VRK1: variants seen among roughly 807,000 people sequenced by gnomAD.
VRK1 encodes VRK serine/threonine kinase 1, also known as serine/threonine-protein kinase VRK1.
A neutral mutation model predicts 57.1 loss-of-function variants in VRK1; 33 were observed. The observed-to-expected ratio is 0.58, with a 90% CI of 0.44 to 0.77. The LOEUF (loss-of-function observed/expected upper bound fraction) is 0.77. Among genes scored for constraint, VRK1 ranks in the 30% least tolerant of loss-of-function variants. VRK1 has a pLI of 0.00. For missense variants in VRK1, 413 were observed against 477.3 expected, an observed-to-expected ratio of 0.87 and a Z score of 1.25; for synonymous variants, 137 against 147.8, an observed-to-expected ratio of 0.93 and a Z score of 0.53.
chr14:96,810,175 G>A (rs1367228826), intron 1 of VRK1, among the ~76,000 whole-genome samples: 1 of 152,094 alleles, frequency 6.6e-6, no homozygotes, highest in African/African-American at 2.4e-5. Flanking sequence ...AGATTGGATT[G>A]TCTTTTTTCT....
intron 1 of VRK1, 132 bp from the exon 2 acceptor site, chr14:96,833,335 A>G: frequency 1.1e-6 from 1 of 943,894 alleles, no homozygotes; most frequent in East Asian, 2.6e-5. Flanking sequence ...GTCAGAATTA[A>G]CAGGTATCCT....
chr14:96,853,230 T>G, intron 7 of VRK1, 64 bp downstream of exon 7: 2 of 1,390,332 alleles, frequency 1.4e-6, no homozygotes, highest in Admixed American at 3.4e-5. Context: ...TATGGTTGCT[T>G]TGAACTTTTG....
intron 7 of VRK1, 151 bp downstream of exon 7, chr14:96,853,317 T>C: frequency 1.4e-6 from 1 of 717,404 alleles, no homozygotes; most frequent in Non-Finnish European, 2.4e-6. Context: ...CTAGTTAACA[T>C]TCTACATTTT....
intron 1 of VRK1, among the ~76,000 whole-genome samples, chr14:96,802,057 G>A (rs1009483930): frequency 9.2e-5 from 14 of 152,156 alleles, no homozygotes; most frequent in Middle Eastern, 3.2e-3. Context: ...TTAAAAATAA[G>A]TTCAGGTTAT....
At chr14:96,836,456 T>C (rs985708048) in intron 2 of VRK1, among the ~76,000 whole-genome samples, 2 of 151,512 alleles carry the variant, frequency 1.3e-5, no homozygotes, top group Non-Finnish European at 2.9e-5. Flanking sequence ...CCTCACTGTT[T>C]CCCCCAGCTA....
intron 8 of VRK1, 49 bp from the exon 9 acceptor site, chr14:96,856,081 C>G: frequency 4.4e-6 from 7 of 1,596,640 alleles, no homozygotes; most frequent in Non-Finnish European, 6.0e-6. Context: ...TTAAATTATA[C>G]ATTAAAAATT....
At position 96,876,024 on chromosome 14, in the gene VRK1, T is replaced by C. The variant is rs1889016062; in HGVS notation, c.1069-6T>C. The C allele has an allele frequency of 2.5e-6, 4 of 1,612,362 alleles. No homozygotes were observed. The highest frequency in any genetic ancestry group is 3.4e-6 in the Non-Finnish European group (4 of 1,178,976). ...CTCTCTCTCTCTCTTTAATTTTATA[T>C]GTAAGAAGCGAAAGAAAGAAATTGA... On this transcript the variant is annotated splice_polypyrimidine_tract_variant and splice_region_variant and intron_variant, in intron 11 of 12. Transcript: ENST00000216639.
chr14:96,846,631 A>G (rs1887704609), intron 4 of VRK1, among the ~76,000 whole-genome samples: 1 of 150,952 alleles, frequency 6.6e-6, no homozygotes, highest in African/African-American at 2.4e-5. Context: ...AGAGAGAGAA[A>G]CTGCAACTTC....
At chr14:96,867,099 A>G (rs1050747589) in intron 11 of VRK1, among the ~76,000 whole-genome samples, 1 of 152,068 alleles carries the variant, frequency 6.6e-6, no homozygotes, top group African/African-American at 2.4e-5. Context: ...TCATTTGTAT[A>G]CTATGTATTA....
rs139280381 is a variant in VRK1 at position 96,821,387 on chromosome 14, C to T, written c.-5-12080C>T. 3.9e-4 allele frequency among the ~76,000 whole-genome samples: 59 copies of T among 152,182 alleles called. No individual in the cohort carries two copies. In the East Asian group the frequency reaches 0.01, roughly 26 times the overall value. ...CTGTCACTAATACCAATTGTTTCTA[C>T]TTGGCACTGCAGACTTGTTTTTTGA... is the stretch of plus-strand genomic sequence containing the variant. On this transcript the variant is annotated intron_variant, in intron 1 of 12. Coordinates refer to ENST00000216639, the MANE Select transcript of VRK1 (RefSeq NM_003384.3).
chr14:96,827,614 T>C (rs941347130), intron 1 of VRK1, among the ~76,000 whole-genome samples: 1 of 152,200 alleles, frequency 6.6e-6, no homozygotes, highest in Admixed American at 6.5e-5. Context: ...GTTCCTTTCT[T>C]GGGCACTCTC....
intron 1 of VRK1, among the ~76,000 whole-genome samples, chr14:96,806,834 TC>T (rs1165381277): frequency 9.3e-5 from 13 of 139,542 alleles, no homozygotes; most frequent in Non-Finnish European, 2.0e-4. Flanking sequence ...CTCCCTCCCT[TC>T]CTTCCCTCCT....
intron 1 of VRK1, among the ~76,000 whole-genome samples, chr14:96,800,923 C>T (rs181290771): frequency 6.6e-6 from 1 of 151,982 alleles, no homozygotes; most frequent in African/African-American, 2.4e-5. Flanking sequence ...ACTTTTAAAG[C>T]AAATATCATA....
intron 1 of VRK1, among the ~76,000 whole-genome samples, chr14:96,802,357 C>G (rs575901680): frequency 3.5e-4 from 54 of 152,304 alleles, no homozygotes; most frequent in Non-Finnish European, 5.9e-4. Flanking sequence ...AAACAACTCA[C>G]ATGTCCTTCA....
intron 1 of VRK1, among the ~76,000 whole-genome samples, chr14:96,812,652 C>A (rs1263020600): frequency 1.3e-5 from 2 of 152,168 alleles, no homozygotes; most frequent in Non-Finnish European, 2.9e-5. Context: ...ACTTTTAACT[C>A]AAAATGTTTT....
chr14:96,847,415 AATTATTT>A, intron 5 of VRK1, 71 bp downstream of exon 5: 1 of 1,237,774 alleles, frequency 8.1e-7, no homozygotes, highest in Non-Finnish European at 1.2e-6. Flanking sequence ...TTTAGTCAGT[AATTATTT>A]ACTGATCACT....
intron 1 of VRK1, among the ~76,000 whole-genome samples, chr14:96,808,002 C>CCTCTCTCCCTCTCTCCGTCTCTCT (rs149250994): frequency 8.5e-6 from 1 of 118,140 alleles, no homozygotes; most frequent in African/African-American, 3.6e-5. Context: ...TCCCTCTCTC[C>CCTCTCTCCCTCTCTCCGTCTCTCT]CTCTCTCTCT....
chr14:96,823,622 A>G (rs925457903), intron 1 of VRK1, among the ~76,000 whole-genome samples: 2 of 152,220 alleles, frequency 1.3e-5, no homozygotes, highest in African/African-American at 2.4e-5. Flanking sequence ...CTTTTTTAAA[A>G]AATTGTGATA....
Position 96,833,348 on chromosome 14 carries a change from A to G in VRK1, c.-5-119A>G, listed in dbSNP as rs575818911. Reference sequence around the variant, plus strand: ...AAGTCAGAATTAACAGGTATCCTTTAAGTTTTGGAGTAAGTAGGAATTTGA... The same window carrying G: ...AAGTCAGAATTAACAGGTATCCTTTGAGTTTTGGAGTAAGTAGGAATTTGA... On this transcript the variant is annotated intron_variant, in intron 1 of 12. Coordinates refer to ENST00000216639, the MANE Select transcript of VRK1 (RefSeq NM_003384.3). 6 of 1,120,668 alleles carry G rather than the reference A, an allele frequency of 5.4e-6. No individual in the cohort carries two copies. The Admixed American group carries it at 1.3e-4, about 25-fold the overall frequency. 69.4% of individuals were successfully genotyped at this position (1,120,668 alleles called of 1,614,324 possible).
Sources: gnomAD v4.1 joint callset for allele counts (sites outside exome capture counted in the v4.1 genomes callset) on GRCh38, gnomAD v4.1.1 for gene constraint, MANE v1.5 for transcripts, NCBI Gene and HGNC (gene_info 2026-07-23, HGNC 2026-07-21) for gene names.